The following GINS1 variants were observed in gnomAD, a reference collection of about 807,000 sequenced individuals.
GINS1 encodes the protein GINS complex subunit 1.
GINS1 carries 26 observed loss-of-function variants against 34.9 expected under a neutral mutation model. The observed-to-expected ratio is 0.74, with a 90% CI of 0.55 to 1.03. The LOEUF (loss-of-function observed/expected upper bound fraction) is 1.03. Among genes scored for constraint, GINS1 ranks in the 50% least tolerant of loss-of-function variants. The pLI is 0.00. For synonymous variants in GINS1, 97 were observed against 84.4 expected (o/e 1.15, Z -0.82); for missense variants, 235 against 237.9 (o/e 0.99, Z 0.08).
At chr20:25,431,909 CCAGGCTGGAGTG>C (rs933529259) in intron 5 of GINS1, among the ~76,000 whole-genome samples, 2 of 151,610 alleles carry the variant, frequency 1.3e-5, no homozygotes, top group African/African-American at 4.8e-5. Context: ...ACTGTATTTT[CCAGGCTGGAGTG>C]CAGTGGTGCG....
At chr20:25,417,233 A>G (rs576555325) in intron 3 of GINS1, 31 bp downstream of exon 3, 4 of 1,065,252 alleles carry the variant, frequency 3.8e-6, no homozygotes, top group East Asian at 2.4e-5. Flanking sequence ...TTGGGGTGGC[A>G]GGATTTTCTG....
In GINS1 at chr20:25,412,447, C is replaced by T. The variant is rs567059563; in HGVS notation, c.76-1343C>T. ...GTGGGCGCCTGTAATCCCAGCTACT[C>T]GGGAGGCTGAGACAGGAGAATTGCT... On this transcript the variant is annotated intron_variant, in intron 1 of 6. Transcript: ENST00000262460. 1.4e-4 allele frequency among the ~76,000 whole-genome samples: 21 copies of T among 151,730 alleles called. No homozygotes were observed. In the South Asian group the frequency reaches 4.0e-3, roughly 29 times the overall value.
chr20:25,423,939 C>G (rs2090375508), intron 4 of GINS1, among the ~76,000 whole-genome samples: 2 of 151,674 alleles, frequency 1.3e-5, no homozygotes, highest in Admixed American at 1.3e-4. Context: ...CTTTTAGGAG[C>G]TATATTTTAC....
intron 4 of GINS1, chr20:25,420,943 G>GC (rs2090351788): frequency 1.0e-6 from 1 of 984,206 alleles, no homozygotes; most frequent in African/African-American, 1.7e-5. Context: ...TTGCATCGTG[G>GC]CAACTGCATC....
intron 4 of GINS1, among the ~76,000 whole-genome samples, chr20:25,423,838 T>C (rs2090374498): frequency 1.3e-5 from 2 of 151,534 alleles, no homozygotes; most frequent in Non-Finnish European, 2.9e-5. Context: ...ATGGTCTCAA[T>C]CTCCTGACCT....
At position 25,414,991 on chromosome 20, in the gene GINS1, T is replaced by C. The variant is rs563291005; in HGVS notation, c.140+1137T>C. 5.3e-5 allele frequency among the ~76,000 whole-genome samples: 8 copies of C among 152,294 alleles called. No individual in the cohort carries two copies. In the South Asian group the frequency reaches 1.7e-3, roughly 32 times the overall value. On this transcript the variant is annotated intron_variant, in intron 2 of 6. Transcript: ENST00000262460. ...GGAGAATTTGGGCGTATGACAAACT[T>C]CGTATGTTCCTGTGCGACACCAAAG...
chr20:25,432,602 G>T (rs986622676), intron 5 of GINS1, among the ~76,000 whole-genome samples: 1 of 152,104 alleles, frequency 6.6e-6, no homozygotes. Flanking sequence ...GAGTAGCTGG[G>T]ATTACAGGCA....
intron 5 of GINS1, among the ~76,000 whole-genome samples, chr20:25,432,133 A>C (rs933369525): frequency 1.3e-5 from 2 of 152,080 alleles, no homozygotes; most frequent in African/African-American, 4.8e-5. Flanking sequence ...CAGCCTCCCA[A>C]AGTGCTGGAA....
At chr20:25,410,664 C>T (rs1014450282) in intron 1 of GINS1, among the ~76,000 whole-genome samples, 1 of 151,928 alleles carries the variant, frequency 6.6e-6, no homozygotes, top group Non-Finnish European at 1.5e-5. Flanking sequence ...CTGGGTTAAG[C>T]AATTCTCCTG....
At chr20:25,425,035 T>C (rs1227120597) in intron 4 of GINS1, among the ~76,000 whole-genome samples, 176 bp from the exon 5 acceptor site, 1 of 152,202 alleles carries the variant, frequency 6.6e-6, no homozygotes, top group Non-Finnish European at 1.5e-5. Flanking sequence ...GAATGATTCA[T>C]TGTAAGTACC....
Position 25,407,715 on chromosome 20 carries a change from G to A in GINS1, c.-106G>A. ...GGAGCGGAGGCCGAGGCGAGAGCCT[G>A]GCGCTGTAGGACTAGAACGAAAGGA... On this transcript the variant is annotated 5_prime_UTR_variant, in exon 1 of 7. Transcript: ENST00000262460. 1 of 873,906 alleles carries A rather than the reference G, an allele frequency of 1.1e-6. No individual in the cohort carries two copies. 54.1% of individuals were successfully genotyped at this position (873,906 alleles called of 1,614,324 possible). A position where few individuals can be genotyped will look rare whatever the true frequency, so the allele number is the denominator to read the frequency against.
At position 25,407,733 on chromosome 20, in the gene GINS1, C is replaced by G. The variant is rs544378539; in HGVS notation, c.-88C>G. ...AGAGCCTGGCGCTGTAGGACTAGAA[C>G]GAAAGGAGTGAGGCGCCGAGAGCCC... is the stretch of plus-strand genomic sequence containing the variant. On this transcript the variant is annotated 5_prime_UTR_variant, in exon 1 of 7. Transcript: ENST00000262460. 75 of 1,022,026 alleles carry G rather than the reference C, an allele frequency of 7.3e-5. No homozygotes were observed. The highest frequency in any genetic ancestry group is 1.1e-4 in the Non-Finnish European group (70 of 656,018). 63.3% of individuals were successfully genotyped at this position (1,022,026 alleles called of 1,614,324 possible).
chr20:25,407,768 T>C lies in GINS1; in HGVS notation c.-53T>C, dbSNP rs1459258449. The C allele has an allele frequency of 7.2e-7, 1 of 1,392,808 alleles. No homozygotes were observed. The highest frequency in any genetic ancestry group is 1.0e-6 in the Non-Finnish European group (1 of 979,634). The allele number at this position is 1,392,808 out of a possible 1,614,324, so 86.3% of individuals were successfully genotyped here. ...GAGGCGCCGAGAGCCCAGATACCAT[T>C]TTGGCGTGAGAGCTGGTGGTTGGCA... On this transcript the variant is annotated 5_prime_UTR_variant, in exon 1 of 7. Coordinates refer to ENST00000262460, the MANE Select transcript of GINS1 (RefSeq NM_021067.5).
chr20:25,434,013 G>A (rs1241030498), intron 5 of GINS1, among the ~76,000 whole-genome samples: 2 of 152,018 alleles, frequency 1.3e-5, no homozygotes, highest in Non-Finnish European at 1.5e-5. Flanking sequence ...TGGGGGTGGT[G>A]GCTCTTATGC....
At chr20:25,437,344 A>G (rs2090459515) in intron 5 of GINS1, among the ~76,000 whole-genome samples, 2 of 152,216 alleles carry the variant, frequency 1.3e-5, no homozygotes, top group South Asian at 4.1e-4. Flanking sequence ...TGCTTTTTGC[A>G]CACTCTGCAC....
chr20:25,445,946 TG>T lies in GINS1; in HGVS notation c.547del (p.Glu183SerfsTer3). On this transcript the variant is annotated frameshift_variant, in exon 7 of 7. Coordinates refer to ENST00000262460, the MANE Select transcript of GINS1 (RefSeq NM_021067.5). LOFTEE classifies it high-confidence loss of function. ...SQHFLPRWKC[E>X]QLIRQGVLEH... ...AGCACTTTTTACCTCGATGGAAATG[TG>T]AGCAGCTGATCAGACAAGGAGTCCT... 1 of 1,611,294 alleles carries T rather than the reference TG, an allele frequency of 6.2e-7. No individual in the cohort carries two copies. The highest frequency in any genetic ancestry group is 1.7e-5 in the Admixed American group (1 of 59,932).
intron 5 of GINS1, among the ~76,000 whole-genome samples, chr20:25,433,680 A>G (rs1334765130): frequency 6.6e-6 from 1 of 152,166 alleles, no homozygotes; most frequent in Admixed American, 6.5e-5. Flanking sequence ...GGTTAGTGAT[A>G]GCTAGTACAT....
At chr20:25,433,070 A>G (rs2090436165) in intron 5 of GINS1, among the ~76,000 whole-genome samples, 1 of 152,128 alleles carries the variant, frequency 6.6e-6, no homozygotes, top group East Asian at 1.9e-4. Flanking sequence ...CTTTGGGTCT[A>G]TAGTGAGTCT....
intron 2 of GINS1, 113 bp downstream of exon 2, chr20:25,413,967 G>A (rs1482949589): frequency 1.7e-5 from 11 of 639,188 alleles, no homozygotes; most frequent in South Asian, 3.2e-5. Flanking sequence ...TGAGGCGGGC[G>A]GATTACGAGG....
Sources: gnomAD v4.1 joint callset for allele counts (sites outside exome capture counted in the v4.1 genomes callset) on GRCh38, gnomAD v4.1.1 for gene constraint, MANE v1.5 for transcripts, NCBI Gene and HGNC (gene_info 2026-07-23, HGNC 2026-07-21) for gene names.